The following BANF2 variants were observed in gnomAD, a reference collection of about 807,000 sequenced individuals.
BANF2 encodes BANF family member 2.
A neutral mutation model predicts 8.0 loss-of-function variants in BANF2; 4 were observed. That is an observed-to-expected ratio of 0.50 (90% confidence interval 0.25 to 1.14). The LOEUF is 1.14. Among genes scored for constraint, BANF2 ranks in the 50% most tolerant of loss-of-function variants. The pLI is 0.16. For missense variants in BANF2, 96 were observed against 107.5 expected, an observed-to-expected ratio of 0.89 and a Z score of 0.47; for synonymous variants, 50 against 40.6, an observed-to-expected ratio of 1.23 and a Z score of -0.88.
At chr20:17,721,661 C>T (rs572315709) in intron 1 of BANF2, among the ~76,000 whole-genome samples, 10 of 152,140 alleles carry the variant, frequency 6.6e-5, no homozygotes, top group South Asian at 2.1e-4. Flanking sequence ...CAAAGTGCTG[C>T]GATTACAGGT....
chr20:17,705,192 G>T (rs770019280), intron 1 of BANF2, among the ~76,000 whole-genome samples: 1 of 152,230 alleles, frequency 6.6e-6, no homozygotes, highest in African/African-American at 2.4e-5. Context: ...CCAAGTGGGA[G>T]ACTGGCCCCA....
intron 1 of BANF2, chr20:17,693,846 C>T (rs571314490): frequency 1.8e-5 from 18 of 1,023,298 alleles, no homozygotes; most frequent in African/African-American, 1.8e-4. Flanking sequence ...CTTTTCGGAA[C>T]GTGTCTCTGC....
intron 1 of BANF2, among the ~76,000 whole-genome samples, chr20:17,714,807 A>G (rs539375692): frequency 6.6e-6 from 1 of 152,308 alleles, no homozygotes; most frequent in South Asian, 2.1e-4. Flanking sequence ...ATTCACACTA[A>G]CTGGGATAAT....
intron 1 of BANF2, among the ~76,000 whole-genome samples, chr20:17,707,254 G>T (rs1326801496): frequency 6.6e-6 from 1 of 151,938 alleles, no homozygotes; most frequent in Admixed American, 6.6e-5. Flanking sequence ...ACCGGGCATG[G>T]TGGCAGGCGC....
At chr20:17,713,435 G>A (rs1485007867) in intron 1 of BANF2, among the ~76,000 whole-genome samples, 4 of 152,172 alleles carry the variant, frequency 2.6e-5, no homozygotes, top group Non-Finnish European at 4.4e-5. Context: ...CAGGGGCTAT[G>A]AGGAGGGGGA....
At chr20:17,694,338 C>T (rs886264796) in intron 1 of BANF2, among the ~76,000 whole-genome samples, 7 of 151,990 alleles carry the variant, frequency 4.6e-5, no homozygotes, top group Non-Finnish European at 7.4e-5. Context: ...CTGAATCACC[C>T]GAGGGAACCA....
At chr20:17,711,199 A>G (rs993945035) in intron 1 of BANF2, among the ~76,000 whole-genome samples, 2 of 152,212 alleles carry the variant, frequency 1.3e-5, no homozygotes, top group African/African-American at 2.4e-5. Flanking sequence ...TGAGCACAGC[A>G]ATCCTCCTGC....
intron 1 of BANF2, among the ~76,000 whole-genome samples, chr20:17,694,457 T>C (rs913438684): frequency 1.3e-5 from 2 of 151,988 alleles, no homozygotes; most frequent in Non-Finnish European, 2.9e-5. Flanking sequence ...TGGAAGCTGG[T>C]GAGGAAGTAG....
At chr20:17,727,421 C>CTGGA (rs2037823820) in intron 3 of BANF2, among the ~76,000 whole-genome samples, 1 of 152,212 alleles carries the variant, frequency 6.6e-6, no homozygotes, top group South Asian at 2.1e-4. Context: ...CCCAGGTGAA[C>CTGGA]TGGAGCAGCC....
chr20:17,732,041 G>A (rs1191076419), intron 3 of BANF2, among the ~76,000 whole-genome samples: 5 of 151,384 alleles, frequency 3.3e-5, no homozygotes, highest in African/African-American at 1.2e-4. Context: ...ACTCCATCCT[G>A]GGCAACAGAG....
At chr20:17,712,722 A>G (rs147849921) in intron 1 of BANF2, among the ~76,000 whole-genome samples, 1 of 151,918 alleles carries the variant, frequency 6.6e-6, no homozygotes, top group Non-Finnish European at 1.5e-5. Context: ...CCGAGACAAC[A>G]TTGCTTTCCC....
intron 1 of BANF2, among the ~76,000 whole-genome samples, chr20:17,722,293 G>A (rs2037743866): frequency 6.6e-6 from 1 of 152,240 alleles, no homozygotes; most frequent in African/African-American, 2.4e-5. Context: ...TGCTGCTGAT[G>A]CATTGATAGC....
At chr20:17,716,967 T>C (rs115011064) in intron 1 of BANF2, among the ~76,000 whole-genome samples, 4,922 of 152,198 alleles carry the variant, frequency 0.032, 293 homozygotes, top group African/African-American at 0.11. Context: ...TCCTCCTGCC[T>C]TGGCCTCCCA....
intron 3 of BANF2, among the ~76,000 whole-genome samples, chr20:17,727,392 G>A (rs1274200574): frequency 1.3e-5 from 2 of 152,224 alleles, no homozygotes; most frequent in Non-Finnish European, 2.9e-5. Flanking sequence ...GGGCTCCGAG[G>A]AGCAGTGCCT....
At chr20:17,724,117 T>C (rs1451024967) in intron 2 of BANF2, among the ~76,000 whole-genome samples, 1 of 152,168 alleles carries the variant, frequency 6.6e-6, no homozygotes, top group Non-Finnish European at 1.5e-5. Flanking sequence ...TTCCAGGAAA[T>C]ATTCAGGATG....
intron 2 of BANF2, among the ~76,000 whole-genome samples, chr20:17,723,774 C>T (rs1020526275): frequency 6.6e-6 from 1 of 152,178 alleles, no homozygotes; most frequent in African/African-American, 2.4e-5. Context: ...GTGGGTGGAT[C>T]ACCTGAGATC....
chr20:17,702,115 G>A (rs1283342848), intron 1 of BANF2, among the ~76,000 whole-genome samples: 1 of 152,186 alleles, frequency 6.6e-6, no homozygotes, highest in Non-Finnish European at 1.5e-5. Flanking sequence ...ACTAAATGAC[G>A]AAGCAGGTCT....
At chr20:17,724,047 A>C (rs4813279) in intron 2 of BANF2, among the ~76,000 whole-genome samples, 33,991 of 152,102 alleles carry the variant, frequency 0.22, 4,066 homozygotes, top group East Asian at 0.43. Flanking sequence ...ATTTAACAAA[A>C]TGGCCGGTTT....
At chr20:17,718,125 A>G (rs550627392) in intron 1 of BANF2, among the ~76,000 whole-genome samples, 2 of 152,280 alleles carry the variant, frequency 1.3e-5, no homozygotes, top group African/African-American at 4.8e-5. Flanking sequence ...AAAATATTGC[A>G]TTTTTCCCAT....
Sources: allele counts gnomAD v4.1 joint callset (sites outside exome capture counted in the v4.1 genomes callset), GRCh38; gene constraint gnomAD v4.1.1; transcripts MANE v1.5; gene names NCBI Gene and HGNC (gene_info 2026-07-23, HGNC 2026-07-21).